ACBD6: variants seen among roughly 807,000 people sequenced by gnomAD.
The protein encoded by ACBD6 is acyl-CoA binding domain containing 6.
A neutral mutation model predicts 37.2 loss-of-function variants in ACBD6; 28 were observed. That is an observed-to-expected ratio of 0.75 (90% CI 0.56 to 1.03). The LOEUF is 1.03. Among genes scored for constraint, ACBD6 ranks in the 50% least tolerant of loss-of-function variants. ACBD6 has a pLI of 0.00. For missense variants in ACBD6, 340 were observed against 337.4 expected (o/e 1.01, Z -0.06); for synonymous variants, 113 against 126.8 (o/e 0.89, Z 0.73).
chr1:180,415,978 C>G (rs1648077110), intron 4 of ACBD6, among the ~76,000 whole-genome samples: 1 of 151,996 alleles, frequency 6.6e-6, no homozygotes, highest in South Asian at 2.1e-4. Flanking sequence ...ATGCTAGGCA[C>G]AGAGATATTA....
intron 7 of ACBD6, among the ~76,000 whole-genome samples, chr1:180,313,407 T>C (rs936577559): frequency 6.6e-6 from 1 of 152,202 alleles, no homozygotes. Context: ...GCGAGGTTTC[T>C]CCAGCATTAT....
At chr1:180,276,478 T>C (rs771680563) in intron 9 of ACBD6, 9 of 152,304 alleles carry the variant, frequency 5.9e-5, no homozygotes, top group Middle Eastern at 3.4e-3. Context: ...TCTGCAAACA[T>C]AGACACTTCT....
intron 3 of ACBD6, among the ~76,000 whole-genome samples, chr1:180,463,689 C>T (rs1650237359): frequency 6.6e-6 from 1 of 152,188 alleles, no homozygotes; most frequent in Non-Finnish European, 1.5e-5. Flanking sequence ...AGGAGGGAGT[C>T]CTCCCTAACT....
intron 6 of ACBD6, among the ~76,000 whole-genome samples, chr1:180,396,433 G>C (rs1483030804): frequency 6.6e-6 from 1 of 151,996 alleles, no homozygotes; most frequent in East Asian, 1.9e-4. Context: ...AAGGAAAAAA[G>C]AGAAAACAAA....
chr1:180,375,367 C>T (rs1048300731), intron 6 of ACBD6, among the ~76,000 whole-genome samples: 2 of 152,008 alleles, frequency 1.3e-5, no homozygotes, highest in South Asian at 2.1e-4. Context: ...TCTCTGTCAC[C>T]CAGGCTGGAG....
chr1:180,470,265 TAAAA>T (rs1312180264), intron 3 of ACBD6, among the ~76,000 whole-genome samples: 6 of 151,888 alleles, frequency 4.0e-5, no homozygotes, highest in African/African-American at 1.5e-4. Flanking sequence ...AACATAAAGA[TAAAA>T]AACAGCAAAA....
rs1409324131 is a variant in ACBD6, at chr1:180,436,535, G to A, written c.385-6273C>T. 2.0e-5 allele frequency among the ~76,000 whole-genome samples: 3 copies of A among 152,256 alleles called. No homozygotes were observed. In the South Asian group the frequency reaches 6.2e-4, roughly 32 times the overall value. On this transcript the variant is annotated intron_variant, in intron 3 of 7. Coordinates refer to ENST00000367595, the MANE Select transcript of ACBD6 (RefSeq NM_032360.4). ...TTCAGGACTTATTCCTTCTTGCGTT[G>A]TGTTTTTTTGCCCTTGCACCAGAGT...
chr1:180,292,206 A>G (rs1414381862), intron 7 of ACBD6, among the ~76,000 whole-genome samples: 1 of 152,156 alleles, frequency 6.6e-6, no homozygotes, highest in African/African-American at 2.4e-5. Context: ...AGTTTTTACA[A>G]AGATCCTGCT....
chr1:180,434,991 G>A (rs541511551), intron 3 of ACBD6: 23 of 953,308 alleles, frequency 2.4e-5, no homozygotes, highest in African/African-American at 1.1e-4. Context: ...GACTGAGTAC[G>A]GCCTGACGTT....
At chr1:180,437,801 G>T (rs1182914690) in intron 3 of ACBD6, among the ~76,000 whole-genome samples, 1 of 152,186 alleles carries the variant, frequency 6.6e-6, no homozygotes, top group Non-Finnish European at 1.5e-5. Context: ...AAGATGGTTA[G>T]GGAAAGCCTT....
At chr1:180,369,135 C>T (rs1385192257) in intron 6 of ACBD6, among the ~76,000 whole-genome samples, 1 of 152,224 alleles carries the variant, frequency 6.6e-6, no homozygotes, top group African/African-American at 2.4e-5. Context: ...GAAACTACCA[C>T]GCTGGTAGGC....
At chr1:180,416,206 T>C (rs1329146589) in intron 4 of ACBD6, among the ~76,000 whole-genome samples, 1 of 152,146 alleles carries the variant, frequency 6.6e-6, no homozygotes, top group African/African-American at 2.4e-5. Context: ...CACCATCTAG[T>C]GGCCAAAATG....
At chr1:180,464,669 G>T (rs1010497084) in intron 3 of ACBD6, among the ~76,000 whole-genome samples, 1 of 151,804 alleles carries the variant, frequency 6.6e-6, no homozygotes, top group Non-Finnish European at 1.5e-5. Flanking sequence ...ATTCTTCAAA[G>T]AACTAAAAAA....
intron 4 of ACBD6, among the ~76,000 whole-genome samples, chr1:180,416,216 G>A (rs1648088674): frequency 6.6e-6 from 1 of 152,018 alleles, no homozygotes; most frequent in Admixed American, 6.6e-5. Context: ...TGGCCAAAAT[G>A]AAGAAACATC....
At chr1:180,435,048 G>A (rs559932484) in intron 3 of ACBD6, 18 of 900,902 alleles carry the variant, frequency 2.0e-5, no homozygotes, top group South Asian at 5.2e-5. Flanking sequence ...CGAGATTACC[G>A]TGGAAGGTCA....
intron 6 of ACBD6, among the ~76,000 whole-genome samples, chr1:180,350,272 G>A (rs1275914382): frequency 6.6e-6 from 1 of 152,042 alleles, no homozygotes; most frequent in East Asian, 1.9e-4. Context: ...AAGCTCAAGC[G>A]ATTCTTCCAC....
chr1:180,476,384 A>G (rs1650785795), intron 3 of ACBD6, among the ~76,000 whole-genome samples: 1 of 152,198 alleles, frequency 6.6e-6, no homozygotes, highest in Non-Finnish European at 1.5e-5. Flanking sequence ...CTAGGCATAA[A>G]TGGGTTAAAT....
intron 4 of ACBD6, among the ~76,000 whole-genome samples, chr1:180,413,984 A>G (rs77824964): frequency 0.023 from 3,502 of 152,332 alleles, 51 homozygotes; most frequent in Non-Finnish European, 0.034. Context: ...CAAAGGTGGA[A>G]TAAGAGCTAG....
In ACBD6 at chr1:180,275,024, G is replaced by T. The variant is rs57069480; in HGVS notation, c.*563C>A. On this transcript the variant is annotated 3_prime_UTR_variant, in exon 10 of 14. Transcript: ENST00000642319. ...CTAAGGTAGAGGCCTCACAGCCCTT[G>T]AGTAAAATAAAAGTGATTTCTGGAC... 864 of 158,610 alleles carry T rather than the reference G, an allele frequency of 5.4e-3. 6 individuals are homozygous for T. The highest frequency in any genetic ancestry group is 0.019 in the African/African-American group (808 of 41,784). The allele number at this position is 158,610 out of a possible 1,614,324, so 9.8% of individuals were successfully genotyped here.
Sources: allele counts gnomAD v4.1 joint callset (sites outside exome capture counted in the v4.1 genomes callset), GRCh38; gene constraint gnomAD v4.1.1; transcripts MANE v1.5; gene names NCBI Gene and HGNC (gene_info 2026-07-23, HGNC 2026-07-21).